LCT: variants seen among roughly 807,000 people sequenced by gnomAD.
LCT encodes lactase.
A neutral mutation model predicts 173.0 loss-of-function variants in LCT; 90 were observed. The ratio of observed to expected loss-of-function variants is 0.52; its 90% CI spans 0.44 to 0.62. The LOEUF (loss-of-function observed/expected upper bound fraction) is 0.62, where lower values mean the gene tolerates loss of function less well. Ranked by LOEUF, LCT falls within the 20% of genes least tolerant of loss-of-function variation. The probability of loss-of-function intolerance (pLI) is 0.00; values close to 1 mark genes in which losing one functional copy is unlikely to be tolerated. For missense variants in LCT, 1,864 were observed against 2,431.4 expected (o/e 0.77, Z 4.91); for synonymous variants, 853 against 957.6 (o/e 0.89, Z 2.02).
intron 12 of LCT, among the ~76,000 whole-genome samples, 183 bp from the exon 13 acceptor site, chr2:135,798,321 G>C (rs2077599395): frequency 6.6e-6 from 1 of 152,142 alleles, no homozygotes; most frequent in Admixed American, 6.5e-5. Flanking sequence ...CTCCCAGCTG[G>C]GTCTGTGCTT....
intron 3 of LCT, among the ~76,000 whole-genome samples, chr2:135,826,241 G>A (rs575416232): frequency 6.6e-6 from 1 of 152,114 alleles, no homozygotes; most frequent in Admixed American, 6.6e-5. Context: ...GCTTTACCCA[G>A]ACACTGGTAG....
At position 135,833,120 on chromosome 2, in the gene LCT, C is replaced by T. The variant is rs756981299; in HGVS notation, c.711G>A (p.Ala237=). ...PELLLEPPIS[A]LAQDTVDFLS... is the part of the protein sequence containing the mutation. The stretch of plus-strand genomic sequence containing the variant: ...TTTGGGCTGCTGTCACCTGGGCAAG[C>T]GCAGATATGGGTGGTTCTAGCAGGA... The change falls in exon 2 of 17, where the codon GCG becomes GCA. Residue 237 remains alanine (A), a synonymous_variant. Transcript: ENST00000264162. 7 of 1,613,138 alleles carry T rather than the reference C, an allele frequency of 4.3e-6. No individual in the cohort carries two copies. Among genetic ancestry groups the T allele is most frequent in the African/African-American group, 1.3e-5 (1 of 74,870 alleles).
rs1021701900 is a variant in LCT, at chr2:135,790,689, G to A, written c.5304C>T (p.Tyr1768=). ...TDLNDTARIY[Y]LRTYINEALK... is the part of the protein sequence containing the mutation. ...GGGCCTCATTGATGTAAGTCCGAAG[G>A]TAGTAGATCCTTGCAGTGTCATTGA... The change falls in exon 15 of 17, where the codon TAC becomes TAT. Residue 1768 remains tyrosine (Y), a synonymous_variant. Transcript: ENST00000264162. The surrounding 1 kb of genome is among the most constrained non-coding windows in gnomAD (Gnocchi z 4.1). 2.9e-5 allele frequency: 46 copies of A among 1,612,794 alleles called. No homozygotes were observed. The highest frequency in any genetic ancestry group is 1.7e-5 in the Admixed American group (1 of 60,004).
At chr2:135,789,065 C>T (rs4954633) in intron 16 of LCT, among the ~76,000 whole-genome samples, 24,532 of 152,156 alleles carry the variant, frequency 0.16, 2,605 homozygotes, top group South Asian at 0.29. Flanking sequence ...CAGTCATGCT[C>T]AAAAAGTTTC....
Position 135,812,832 on chromosome 2 carries a change from G to A in LCT, c.1832C>T (p.Pro611Leu), listed in dbSNP as rs145074769. The change falls in exon 7 of 17, where the codon CCA becomes CTA. Residue 611 changes from proline (P) to leucine (L), a missense_variant. By Grantham distance (98) the Pro-to-Leu change is moderately conservative. Transcript: ENST00000264162. ...LNSDWAEPLS[P>L]ERPEDLRASE... ...GGCTCTCAGGTCCTCAGGCCTCTCT[G>A]GAGACAGGGGTTCTGCCCAGTCTGA... is the stretch of plus-strand genomic sequence containing the variant. The A allele has an allele frequency of 6.2e-7, 1 of 1,614,080 alleles. No homozygotes were observed. Among genetic ancestry groups the A allele is most frequent in the Non-Finnish European group, 8.5e-7 (1 of 1,180,050 alleles).
chr2:135,789,804 C>A lies in LCT; in HGVS notation c.5336-6G>T. The A allele has an allele frequency of 6.2e-7, 1 of 1,611,706 alleles. No individual in the cohort carries two copies. Among genetic ancestry groups the A allele is most frequent in the South Asian group, 1.1e-5 (1 of 91,002 alleles). ...GTCCACCTTGTCCTGCACAGCTGCT[C>A]AAACACAGAGGACTAGGCATAAGTT... is the stretch of plus-strand genomic sequence containing the variant. On this transcript the variant is annotated splice_polypyrimidine_tract_variant and splice_region_variant and intron_variant, in intron 15 of 16. Transcript: ENST00000264162.
At chr2:135,801,692 G>A (rs1445624862) in intron 11 of LCT, among the ~76,000 whole-genome samples, 1 of 150,806 alleles carries the variant, frequency 6.6e-6, no homozygotes, top group East Asian at 2.0e-4. Context: ...TCCTGTCTCA[G>A]CCTCCTGAGT....
intron 11 of LCT, among the ~76,000 whole-genome samples, chr2:135,802,615 A>G (rs2077635952): frequency 6.6e-6 from 1 of 152,230 alleles, no homozygotes; most frequent in South Asian, 2.1e-4. Context: ...CAGGCACAGA[A>G]AGGCAAATAC....
chr2:135,811,580 T>G (rs1195550206), intron 7 of LCT, among the ~76,000 whole-genome samples: 1 of 151,416 alleles, frequency 6.6e-6, no homozygotes, highest in African/African-American at 2.4e-5. Context: ...GCTGGAGCAA[T>G]GAGGGAAGAG....
At chr2:135,802,186 C>T (rs1292549962) in intron 11 of LCT, among the ~76,000 whole-genome samples, 1 of 152,186 alleles carries the variant, frequency 6.6e-6, no homozygotes, top group Non-Finnish European at 1.5e-5. Flanking sequence ...GGCACATCTC[C>T]TGGTGGCTCT....
chr2:135,811,225 A>G (rs765098952), intron 7 of LCT, among the ~76,000 whole-genome samples: 1 of 152,030 alleles, frequency 6.6e-6, no homozygotes, highest in Non-Finnish European at 1.5e-5. Context: ...AAATAAATAA[A>G]TAAAGCCTAA....
intron 2 of LCT, 99 bp from the exon 3 acceptor site, chr2:135,829,775 A>T: frequency 1.2e-6 from 1 of 816,224 alleles, no homozygotes; most frequent in East Asian, 2.6e-5. Flanking sequence ...TTATCACTAA[A>T]CCAAATATTC....
intron 1 of LCT, among the ~76,000 whole-genome samples, chr2:135,833,879 T>C (rs1390279511): frequency 6.6e-6 from 1 of 152,184 alleles, no homozygotes; most frequent in African/African-American, 2.4e-5. Flanking sequence ...ATTTCTCCCC[T>C]ACCCCAGCCC....
chr2:135,831,705 A>G (rs896586393), intron 2 of LCT, among the ~76,000 whole-genome samples: 1 of 152,144 alleles, frequency 6.6e-6, no homozygotes. Flanking sequence ...TCTTGGTTCC[A>G]TCGTGTTTGA....
intron 6 of LCT, among the ~76,000 whole-genome samples, chr2:135,814,389 TTAA>T (rs955544897): frequency 6.6e-6 from 1 of 152,112 alleles, no homozygotes; most frequent in African/African-American, 2.4e-5. Flanking sequence ...TCACAACTGC[TTAA>T]TAATAGGGAA....
At chr2:135,834,693 C>G (rs1180653727) in intron 1 of LCT, among the ~76,000 whole-genome samples, 1 of 136,362 alleles carries the variant, frequency 7.3e-6, no homozygotes, top group Admixed American at 8.2e-5. Context: ...AAGGCTGAGG[C>G]AGGAGAATTG....
Position 135,836,865 on chromosome 2 carries a change from G to A in LCT, c.305C>T (p.Thr102Ile). 1 of 1,614,164 alleles carries A rather than the reference G, an allele frequency of 6.2e-7. No homozygotes were observed. Among genetic ancestry groups the A allele is most frequent in the Admixed American group, 1.7e-5 (1 of 60,018 alleles). The change falls in exon 1 of 17, where the codon ACC becomes ATC. Residue 102 changes from threonine to isoleucine, a missense_variant. Physicochemically the swap from Thr to Ile is moderately conservative, Grantham distance 89 (BLOSUM62 -1). Around this residue, in one of 4 missense-constraint regions of LCT, gnomAD observed 412 missense variants for 462.0 expected, o/e 0.89. Transcript: ENST00000264162. ...CACTGTTTTCTCGTCTGGATTCTGG[G>A]TGCTTCCTGCTGGGAGGAGCTGTGC... ...SWAQLLPAGS[T>I]QNPDEKTVQC...
intron 3 of LCT, among the ~76,000 whole-genome samples, chr2:135,824,533 C>T (rs1225543834): frequency 3.9e-5 from 6 of 151,956 alleles, no homozygotes; most frequent in African/African-American, 7.3e-5. Context: ...AGAGCAAGAT[C>T]CTGTCTCTAA....
At position 135,822,233 on chromosome 2, in the gene LCT, C is replaced by G; in HGVS notation, c.908-135G>C. On this transcript the variant is annotated intron_variant, in intron 4 of 16. Coordinates refer to ENST00000264162, the MANE Select transcript of LCT (RefSeq NM_002299.4). The stretch of plus-strand genomic sequence containing the variant: ...GGTTCCAAGCCCCTTTGGAAAATAC[C>G]ATGGGCTAACGACTTTAAAAGCTTA... The G allele has an allele frequency of 4.4e-6, 3 of 688,660 alleles. No homozygotes were observed. The South Asian group carries it at 4.8e-5, about 11-fold the overall frequency. The allele number at this position is 688,660 out of a possible 1,614,324, so 42.7% of individuals were successfully genotyped here.
Sources: gnomAD v4.1 joint callset for allele counts (sites outside exome capture counted in the v4.1 genomes callset) on GRCh38, gnomAD v4.1.1 for gene constraint, gnomAD v4.1.1 regional missense constraint, Gnocchi (gnomAD v3.1) non-coding constraint, MANE v1.5 for transcripts, NCBI Gene and HGNC (gene_info 2026-07-23, HGNC 2026-07-21) for gene names.